The following OLFM3 variants were observed in gnomAD, a reference collection of about 807,000 sequenced individuals.
The protein encoded by OLFM3 is noelin-3.
In OLFM3, 20 loss-of-function variants were observed where a neutral mutation model predicts 48.6. The observed-to-expected ratio is 0.41, with a 90% CI of 0.29 to 0.60. The LOEUF is 0.60. OLFM3 is among the 20% of genes least tolerant of loss of function. The probability of loss-of-function intolerance (pLI) is 0.28; values close to 1 mark genes in which losing one functional copy is unlikely to be tolerated. For missense variants in OLFM3, 437 were observed against 544.3 expected (o/e 0.80, Z 1.96); for synonymous variants, 222 against 198.1 (o/e 1.12, Z -1.01).
intron 3 of OLFM3, among the ~76,000 whole-genome samples, chr1:101,827,649 C>T (rs1281676095): frequency 1.3e-5 from 2 of 152,236 alleles, no homozygotes; most frequent in Non-Finnish European, 2.9e-5. Flanking sequence ...ATAAACTCCA[C>T]AAATATATGT....
chr1:101,853,214 C>T (rs1656290343), intron 1 of OLFM3, among the ~76,000 whole-genome samples: 7 of 152,056 alleles, frequency 4.6e-5, no homozygotes, highest in Admixed American at 4.6e-4. Flanking sequence ...CCTCTGGAGG[C>T]ACTCTGGCCC....
chr1:101,922,842 T>C lies in OLFM3; in HGVS notation c.69+73906A>G, dbSNP rs138023314. Among the ~76,000 whole-genome samples, 479 of 152,286 alleles carry C rather than the reference T, an allele frequency of 3.1e-3. 2 individuals are homozygous for C. The highest frequency in any genetic ancestry group is 0.011 in the African/African-American group (465 of 41,574). ...AATAGCTGTGAAAATGTGAAGAATATCTTGTGAAATTAAATGGAAGTAATT... is the reference window on the plus strand; with the variant it reads ...AATAGCTGTGAAAATGTGAAGAATACCTTGTGAAATTAAATGGAAGTAATT... On this transcript the variant is annotated intron_variant, in intron 1 of 5. Coordinates refer to ENST00000370103, the MANE Select transcript of OLFM3 (RefSeq NM_058170.4).
chr1:101,990,225 G>C (rs80104757), intron 1 of OLFM3, among the ~76,000 whole-genome samples: 2,426 of 152,192 alleles, frequency 0.016, 56 homozygotes, highest in African/African-American at 0.056. Flanking sequence ...AGTTTAAATT[G>C]GAGCTTTGAC....
At chr1:101,893,600 C>T in intron 1 of OLFM3, 2 of 240,578 alleles carry the variant, frequency 8.3e-6, no homozygotes. Flanking sequence ...AAAGAAAAGA[C>T]CTTTTCATAT....
chr1:101,806,234 A>G, intron 4 of OLFM3, 52 bp from the exon 5 acceptor site: 3 of 1,339,878 alleles, frequency 2.2e-6, no homozygotes, highest in Non-Finnish European at 3.2e-6. Flanking sequence ...AATGATTCCA[A>G]TACGCATACT....
chr1:101,922,059 A>C (rs1215829898), intron 1 of OLFM3, among the ~76,000 whole-genome samples: 1 of 148,354 alleles, frequency 6.7e-6, no homozygotes, highest in East Asian at 2.0e-4. Flanking sequence ...ACTCCATCTC[A>C]AAAAAAAAAG....
chr1:101,962,092 A>C (rs1660484625), intron 1 of OLFM3, among the ~76,000 whole-genome samples: 1 of 152,174 alleles, frequency 6.6e-6, no homozygotes, highest in Non-Finnish European at 1.5e-5. Flanking sequence ...TAGTGAAGCT[A>C]AATTAAAAGT....
At chr1:101,916,444 C>G (rs1037050115) in intron 1 of OLFM3, among the ~76,000 whole-genome samples, 1 of 151,090 alleles carries the variant, frequency 6.6e-6, no homozygotes, top group African/African-American at 2.4e-5. Context: ...TGGAAATGAT[C>G]TAAGACAGTT....
At chr1:101,814,236 T>C (rs1250527684) in intron 4 of OLFM3, among the ~76,000 whole-genome samples, 1 of 151,928 alleles carries the variant, frequency 6.6e-6, no homozygotes, top group African/African-American at 2.4e-5. Context: ...ATGTGCTTCA[T>C]TCATTTATTT....
At chr1:101,979,889 C>A (rs531031502) in intron 1 of OLFM3, among the ~76,000 whole-genome samples, 3 of 152,204 alleles carry the variant, frequency 2.0e-5, no homozygotes, top group Non-Finnish European at 4.4e-5. Flanking sequence ...TGAGGCTGTA[C>A]CCTGCAAAGC....
intron 1 of OLFM3, among the ~76,000 whole-genome samples, chr1:101,899,665 G>A (rs571697578): frequency 6.6e-5 from 10 of 151,826 alleles, no homozygotes; most frequent in South Asian, 2.1e-4. Context: ...GAATTTCCTC[G>A]CAAAAATAAC....
intron 1 of OLFM3, among the ~76,000 whole-genome samples, chr1:101,980,247 G>A (rs1291860686): frequency 6.6e-6 from 1 of 152,156 alleles, no homozygotes; most frequent in Non-Finnish European, 1.5e-5. Context: ...GGGACTGTCG[G>A]GAAGGCATGA....
chr1:101,897,196 G>A (rs1658238217), intron 1 of OLFM3, among the ~76,000 whole-genome samples: 1 of 151,986 alleles, frequency 6.6e-6, no homozygotes, highest in South Asian at 2.1e-4. Flanking sequence ...GAAATCAAAT[G>A]TTTATGCAGG....
At chr1:101,969,339 G>C (rs548333015) in intron 1 of OLFM3, among the ~76,000 whole-genome samples, 24 of 137,130 alleles carry the variant, frequency 1.8e-4, no homozygotes, top group Admixed American at 4.4e-4. Flanking sequence ...TGGTATTTTT[G>C]TATTTTTAGT....
intron 1 of OLFM3, among the ~76,000 whole-genome samples, chr1:101,866,095 T>TA (rs1383106558): frequency 6.6e-6 from 1 of 152,224 alleles, no homozygotes; most frequent in Non-Finnish European, 1.5e-5. Context: ...TTTGTATATT[T>TA]AAAATACAGC....
At position 101,996,709 on chromosome 1, in the gene OLFM3, C is replaced by T. The variant is rs777852849; in HGVS notation, c.69+39G>A. The T allele has an allele frequency of 2.5e-6, 4 of 1,597,052 alleles. No individual in the cohort carries two copies. In the African/African-American group the frequency reaches 5.4e-5, roughly 21 times the overall value. On this transcript the variant is annotated intron_variant, in intron 1 of 5. Coordinates refer to ENST00000370103, the MANE Select transcript of OLFM3 (RefSeq NM_058170.4). Reference sequence around the variant, plus strand: ...TTTCTGTTAGGTTTGTTACATATTGCACATTTATTTCAAACAAGACTCAAA... The same window carrying T: ...TTTCTGTTAGGTTTGTTACATATTGTACATTTATTTCAAACAAGACTCAAA...
At chr1:101,806,207 G>A (rs1421567440) in intron 4 of OLFM3, 25 bp from the exon 5 acceptor site, 1 of 1,582,418 alleles carries the variant, frequency 6.3e-7, no homozygotes, top group Non-Finnish European at 8.7e-7. Flanking sequence ...ACACAAACGT[G>A]TTAGGTGAAC....
intron 1 of OLFM3, among the ~76,000 whole-genome samples, chr1:101,980,650 T>A (rs529268138): frequency 1.4e-3 from 217 of 152,232 alleles, no homozygotes; most frequent in African/African-American, 5.2e-3. Flanking sequence ...CAGTCTTGGG[T>A]CTTTCTTCAT....
chr1:101,951,073 T>C (rs1436630719), intron 1 of OLFM3, among the ~76,000 whole-genome samples: 1 of 152,216 alleles, frequency 6.6e-6, no homozygotes, highest in Non-Finnish European at 1.5e-5. Context: ...TCTTAATGAA[T>C]GATTTATATT....
Sources: allele counts gnomAD v4.1 joint callset (sites outside exome capture counted in the v4.1 genomes callset), GRCh38; gene constraint gnomAD v4.1.1; transcripts MANE v1.5; gene names NCBI Gene and HGNC (gene_info 2026-07-23, HGNC 2026-07-21).